Variants in LONP2 observed in about 807,000 individuals in gnomAD.
LONP2 encodes lon peptidase 2, peroxisomal.
LONP2 carries 60 observed loss-of-function variants against 85.6 expected under a neutral mutation model. The ratio of observed to expected loss-of-function variants is 0.70; its 90% CI spans 0.57 to 0.87. The LOEUF is 0.87. LONP2 is among the 40% of genes least tolerant of loss of function. The pLI, the probability that LONP2 is intolerant of heterozygous loss-of-function variation, is 0.00. For synonymous variants in LONP2, 395 were observed against 389.7 expected (o/e 1.01, Z -0.16); for missense variants, 860 against 1,063.5 (o/e 0.81, Z 2.66).
intron 7 of LONP2, among the ~76,000 whole-genome samples, chr16:48,274,834 T>A (rs1972173442): frequency 6.6e-6 from 1 of 152,352 alleles, no homozygotes; most frequent in South Asian, 2.1e-4. Context: ...CCTGTCATTT[T>A]CACTTAACAT....
intron 6 of LONP2, among the ~76,000 whole-genome samples, chr16:48,267,670 C>T (rs1972020117): frequency 6.6e-6 from 1 of 152,140 alleles, no homozygotes; most frequent in African/African-American, 2.4e-5. Flanking sequence ...GGCTGTAGTG[C>T]AGTGGTGTGA....
chr16:48,347,834 C>T (rs1960018097), intron 13 of LONP2, 120 bp downstream of exon 13: 1 of 963,296 alleles, frequency 1.0e-6, no homozygotes, highest in Admixed American at 2.6e-5. Flanking sequence ...CCGTTTTGAA[C>T]CCCTGTGGAA....
intron 8 of LONP2, among the ~76,000 whole-genome samples, chr16:48,292,460 G>A (rs1199839848): frequency 6.6e-6 from 1 of 152,186 alleles, no homozygotes; most frequent in Non-Finnish European, 1.5e-5. Flanking sequence ...CTTTTGCTTA[G>A]TGATTTGGGG....
At chr16:48,285,192 G>A (rs1972413208) in intron 8 of LONP2, among the ~76,000 whole-genome samples, 1 of 151,920 alleles carries the variant, frequency 6.6e-6, no homozygotes, top group African/African-American at 2.4e-5. Flanking sequence ...TGTGGTTTCT[G>A]CTGTGAAGCC....
chr16:48,303,187 AG>A lies in LONP2; in HGVS notation c.1681del (p.Val561PhefsTer17), dbSNP rs1287349974. 3.1e-6 allele frequency: 5 copies of A among 1,614,034 alleles called. No individual in the cohort carries two copies. The South Asian group carries it at 5.5e-5, about 18-fold the overall frequency. ...TTGATGACAGGTATACCAGAGAGGC[AG>A]GGGTTCGTTCTCTGGATAGAAAACT... ...DIITRYTREA[G>X]VRSLDRKLGA... On this transcript the variant is annotated frameshift_variant, in exon 11 of 15. Transcript: ENST00000285737. LOFTEE classifies it high-confidence loss of function.
chr16:48,259,822 C>T (rs1334599797), intron 4 of LONP2, among the ~76,000 whole-genome samples: 1 of 152,188 alleles, frequency 6.6e-6, no homozygotes, highest in Admixed American at 6.5e-5. Context: ...GACTCAATTA[C>T]TCATTTTGTA....
At chr16:48,340,400 AC>A (rs1959777839) in intron 12 of LONP2, among the ~76,000 whole-genome samples, 1 of 152,146 alleles carries the variant, frequency 6.6e-6, no homozygotes, top group South Asian at 2.1e-4. Context: ...ACAGAGACCT[AC>A]CCCCAATCAC....
At chr16:48,361,353 G>A, downstream of LONP2, 1 of 491,936 alleles carries the variant, frequency 2.0e-6, no homozygotes. Flanking sequence ...CCCATCTTGG[G>A]TGTATATACA....
chr16:48,313,871 A>G (rs1382298721), intron 11 of LONP2, among the ~76,000 whole-genome samples: 1 of 152,240 alleles, frequency 6.6e-6, no homozygotes, highest in Non-Finnish European at 1.5e-5. Context: ...TAGATCTTTG[A>G]GGAATCACCA....
intron 8 of LONP2, among the ~76,000 whole-genome samples, chr16:48,282,229 C>T (rs919171589): frequency 2.0e-5 from 3 of 151,710 alleles, no homozygotes; most frequent in Non-Finnish European, 2.9e-5. Flanking sequence ...GCTAACGTGG[C>T]GAAACCCTGT....
rs1158623318 is a variant in LONP2 at position 48,274,796 on chromosome 16, A to T, written c.1242-2542A>T. 3.9e-5 allele frequency among the ~76,000 whole-genome samples: 6 copies of T among 152,276 alleles called. No individual in the cohort carries two copies. The South Asian group carries it at 6.2e-4, about 16-fold the overall frequency. On this transcript the variant is annotated intron_variant, in intron 7 of 14. Transcript: ENST00000285737. ...TTTGTTTTGTTCTGCCAGACTTATC[A>T]TTGGATTTTAAGTAACAGAATTGTA... is the stretch of plus-strand genomic sequence containing the variant.
chr16:48,252,037 A>T, intron 1 of LONP2, 94 bp from the exon 2 acceptor site: 1 of 930,518 alleles, frequency 1.1e-6, no homozygotes, highest in Non-Finnish European at 1.5e-6. Context: ...TCTTTTGCTT[A>T]ATGAATGTAT....
At chr16:48,267,664 G>A (rs545370857) in intron 6 of LONP2, among the ~76,000 whole-genome samples, 2,076 of 152,234 alleles carry the variant, frequency 0.014, 44 homozygotes, top group African/African-American at 0.047. Context: ...CGGCCAGGCT[G>A]TAGTGCAGTG....
chr16:48,281,581 C>A lies in LONP2; in HGVS notation c.1383+4102C>A, dbSNP rs552038086. On this transcript the variant is annotated intron_variant, in intron 8 of 14. Coordinates refer to ENST00000285737, the MANE Select transcript of LONP2 (RefSeq NM_031490.5). ...ATATATGTTATATTTATAACTGGCA[C>A]ATGTCCAGACTTTATTGTTAAATAT... 1.7e-4 allele frequency among the ~76,000 whole-genome samples: 26 copies of A among 152,222 alleles called. 2 individuals carry two copies. In the South Asian group the frequency reaches 5.0e-3, roughly 29 times the overall value.
chr16:48,289,507 G>A (rs927454723), intron 8 of LONP2, among the ~76,000 whole-genome samples: 2 of 152,086 alleles, frequency 1.3e-5, no homozygotes, highest in African/African-American at 4.8e-5. Flanking sequence ...AATAGAATGG[G>A]AGGCAGGTTT....
chr16:48,292,197 C>G (rs1026944125), intron 8 of LONP2, among the ~76,000 whole-genome samples: 9 of 152,134 alleles, frequency 5.9e-5, no homozygotes, highest in Non-Finnish European at 1.0e-4. Flanking sequence ...ATGCATTTGT[C>G]TCAGGTGAGC....
chr16:48,251,785 A>G (rs569586768), intron 1 of LONP2, among the ~76,000 whole-genome samples: 33 of 152,344 alleles, frequency 2.2e-4, no homozygotes, highest in African/African-American at 6.7e-4. Flanking sequence ...TTATCCTGGT[A>G]TAAGATTGCC....
rs1960340011 is a variant in LONP2, at chr16:48,356,100, T to C, written c.*4298T>C. The C allele has an allele frequency of 6.6e-6, 1 of 152,142 alleles. No individual in the cohort carries two copies. 9.4% of individuals were successfully genotyped at this position (152,142 alleles called of 1,614,324 possible). A position where few individuals can be genotyped will look rare whatever the true frequency, so the allele number is the denominator to read the frequency against. On this transcript the variant is annotated 3_prime_UTR_variant, in exon 15 of 15. Coordinates refer to ENST00000285737, the MANE Select transcript of LONP2 (RefSeq NM_031490.5). ...CTTGCTTGGTGGTTACAAATGCAAA[T>C]ACAGTGAAGAATGTCATCTTTGTGA...
intron 8 of LONP2, among the ~76,000 whole-genome samples, chr16:48,280,346 T>C (rs1310083059): frequency 6.6e-6 from 1 of 152,234 alleles, no homozygotes; most frequent in African/African-American, 2.4e-5. Context: ...AACAACTGTT[T>C]TGAAGCAAGT....
Sources: allele counts gnomAD v4.1 joint callset (sites outside exome capture counted in the v4.1 genomes callset), GRCh38; gene constraint gnomAD v4.1.1; transcripts MANE v1.5; gene names NCBI Gene and HGNC (gene_info 2026-07-23, HGNC 2026-07-21).